ABTB3: variants seen among roughly 807,000 people sequenced by gnomAD.
ABTB3 encodes the protein ankyrin repeat and BTB domain containing 3.
the ABTB3 span, among the ~76,000 whole-genome samples, chr12:107,351,753 TTC>T: frequency 6.6e-6 from 1 of 152,088 alleles, no homozygotes; most frequent in Non-Finnish European, 1.5e-5. Context: ...CCAAATAAAT[TTC>T]TGTTTGTTAT....
chr12:107,322,610 T>C, the ABTB3 span, among the ~76,000 whole-genome samples: 8 of 150,240 alleles, frequency 5.3e-5, no homozygotes, highest in South Asian at 2.1e-4. Flanking sequence ...TCGAAACTTA[T>C]TACAGTTGCC....
chr12:107,530,988 G>T, the ABTB3 span, among the ~76,000 whole-genome samples: 260 of 152,324 alleles, frequency 1.7e-3, 1 homozygote, highest in African/African-American at 5.9e-3. Context: ...GAGGGACTCC[G>T]ATCATTTGGA....
the ABTB3 span, among the ~76,000 whole-genome samples, chr12:107,505,336 T>C: frequency 1.3e-5 from 2 of 152,012 alleles, no homozygotes; most frequent in African/African-American, 2.4e-5. Context: ...TTTTAAAGCA[T>C]TTATGAAACT....
At chr12:107,654,815 TACACACACACACACACACACAC>T in the ABTB3 span, among the ~76,000 whole-genome samples, 855 of 141,292 alleles carry the variant, frequency 6.1e-3, 5 homozygotes, top group African/African-American at 0.02. Flanking sequence ...CTACATTGTA[TACACACACACACACACACACAC>T]ACACACACAC....
At chr12:107,530,447 A>G in the ABTB3 span, among the ~76,000 whole-genome samples, 1 of 152,342 alleles carries the variant, frequency 6.6e-6, no homozygotes, top group East Asian at 1.9e-4. Context: ...GCCATAATTC[A>G]AAGTTCAGAA....
chr12:107,610,539 T>A, the ABTB3 span: 1 of 612,500 alleles, frequency 1.6e-6, no homozygotes, highest in Non-Finnish European at 2.7e-6. Context: ...AAAAATACTG[T>A]GGTTCATCTT....
At chr12:107,501,435 C>T in the ABTB3 span, among the ~76,000 whole-genome samples, 1 of 150,846 alleles carries the variant, frequency 6.6e-6, no homozygotes, top group African/African-American at 2.4e-5. Flanking sequence ...CGCGGTGGCT[C>T]ACATTTGTAA....
At chr12:107,481,883 G>GTGTC in the ABTB3 span, among the ~76,000 whole-genome samples, 1 of 108,242 alleles carries the variant, frequency 9.2e-6, no homozygotes. Context: ...GAAATCAAGA[G>GTGTC]TCTCTCTCTC....
chr12:107,502,322 A>G, the ABTB3 span, among the ~76,000 whole-genome samples: 10,145 of 151,922 alleles, frequency 0.067, 389 homozygotes, highest in African/African-American at 0.07. Context: ...TGCCTACCTC[A>G]GCCTCCCAAC....
At chr12:107,491,899 A>T in the ABTB3 span, among the ~76,000 whole-genome samples, 1 of 151,756 alleles carries the variant, frequency 6.6e-6, no homozygotes, top group Non-Finnish European at 1.5e-5. Context: ...GGAGAAGATT[A>T]TAAAAGGGAG....
chr12:107,433,160 G>A, the ABTB3 span, among the ~76,000 whole-genome samples: 1 of 151,394 alleles, frequency 6.6e-6, no homozygotes, highest in Non-Finnish European at 1.5e-5. Context: ...CGCGGTGGCG[G>A]GCGCCTGTAG....
At chr12:107,536,549 A>G in the ABTB3 span, among the ~76,000 whole-genome samples, 5 of 152,144 alleles carry the variant, frequency 3.3e-5, no homozygotes, top group Admixed American at 1.3e-4. Context: ...AGAAAAAAAA[A>G]TCTGATTTTA....
the ABTB3 span, among the ~76,000 whole-genome samples, chr12:107,522,166 G>A: frequency 5.9e-5 from 9 of 151,890 alleles, no homozygotes; most frequent in African/African-American, 1.7e-4. Flanking sequence ...ATGACGATCC[G>A]CCCTCATGGA....
the ABTB3 span, among the ~76,000 whole-genome samples, chr12:107,639,108 G>A: frequency 0.012 from 1,876 of 152,336 alleles, 15 homozygotes; most frequent in Middle Eastern, 0.034. Flanking sequence ...GATGAGCCAG[G>A]TTTGGAAGGG....
At chr12:107,319,239 C>T in the ABTB3 span, 2 of 1,566,754 alleles carry the variant, frequency 1.3e-6, no homozygotes, top group Non-Finnish European at 1.7e-6. Flanking sequence ...GTCCCCTGGA[C>T]TCTCCAGGAG....
At chr12:107,579,823 A>G in the ABTB3 span, among the ~76,000 whole-genome samples, 3 of 152,210 alleles carry the variant, frequency 2.0e-5, no homozygotes, top group Non-Finnish European at 4.4e-5. Context: ...GCTTCATGCT[A>G]GTCTGACCCC....
chr12:107,471,016 G>T, the ABTB3 span, among the ~76,000 whole-genome samples: 1 of 152,230 alleles, frequency 6.6e-6, no homozygotes, highest in Non-Finnish European at 1.5e-5. Flanking sequence ...GATGTACTGA[G>T]CATGCCAGGC....
chr12:107,607,554 C>T, the ABTB3 span, among the ~76,000 whole-genome samples: 1 of 152,188 alleles, frequency 6.6e-6, no homozygotes, highest in African/African-American at 2.4e-5. Flanking sequence ...TATTGTCCCT[C>T]CCAGGGCTCT....
At chr12:107,554,511 T>G in the ABTB3 span, among the ~76,000 whole-genome samples, 1 of 152,238 alleles carries the variant, frequency 6.6e-6, no homozygotes, top group Non-Finnish European at 1.5e-5. Context: ...GGGCTGTTAT[T>G]AAGCAGTTTT....
Sources: gnomAD v4.1 joint callset for allele counts (sites outside exome capture counted in the v4.1 genomes callset) on GRCh38, gnomAD v4.1.1 for gene constraint, MANE v1.5 for transcripts, NCBI Gene and HGNC (gene_info 2026-07-23, HGNC 2026-07-21) for gene names.